CNTN5: variants seen among roughly 807,000 people sequenced by gnomAD.
CNTN5 encodes the protein contactin 5, also known as contactin-5.
CNTN5 carries 77 observed loss-of-function variants against 129.1 expected under a neutral mutation model. That is an observed-to-expected ratio of 0.60 (90% CI 0.50 to 0.72). The LOEUF is 0.72. Ranked by LOEUF, CNTN5 falls within the 30% of genes least tolerant of loss-of-function variation. CNTN5 has a pLI of 0.00. For synonymous variants in CNTN5, 509 were observed against 465.6 expected (o/e 1.09, Z -1.20); for missense variants, 1,478 against 1,328.8 (o/e 1.11, Z -1.75).
rs541965822 is a variant in CNTN5 at position 99,798,121 on chromosome 11, G to A, written c.56-21423G>A. ...CCTTTCCCTCCTCCTACCCTACCCCGTCTGATAGGCCCTAGTATATGTTTT... is the reference window on the plus strand; with the variant it reads ...CCTTTCCCTCCTCCTACCCTACCCCATCTGATAGGCCCTAGTATATGTTTT... On this transcript the variant is annotated intron_variant, in intron 3 of 24. Transcript: ENST00000524871. Among the ~76,000 whole-genome samples the A allele has an allele frequency of 1.7e-3, 261 of 151,860 alleles. 1 individual carries two copies. Among genetic ancestry groups the A allele is most frequent in the African/African-American group, 5.9e-3 (244 of 41,396 alleles).
In CNTN5 at chr11:100,026,023, T is replaced by C. The variant is rs1238146455; in HGVS notation, c.980+23887T>C. 2.6e-5 allele frequency among the ~76,000 whole-genome samples: 4 copies of C among 152,268 alleles called. No individual in the cohort carries two copies. The East Asian group carries it at 7.7e-4, about 29-fold the overall frequency. ...AAGGGATATGAGATTTGTTTGGGGCTAGGGGAAGAATGATATGTTTAGGGT... is the reference window on the plus strand; with the variant it reads ...AAGGGATATGAGATTTGTTTGGGGCCAGGGGAAGAATGATATGTTTAGGGT... On this transcript the variant is annotated intron_variant, in intron 9 of 24. Coordinates refer to ENST00000524871, the MANE Select transcript of CNTN5 (RefSeq NM_014361.4).
At chr11:99,395,022 A>G (rs1941448212) in intron 2 of CNTN5, among the ~76,000 whole-genome samples, 1 of 151,810 alleles carries the variant, frequency 6.6e-6, no homozygotes, top group Admixed American at 6.6e-5. Context: ...GTGACTTTAT[A>G]ATAGAACGAT....
intron 2 of CNTN5, among the ~76,000 whole-genome samples, chr11:99,526,687 T>C (rs1397328758): frequency 6.6e-6 from 1 of 152,224 alleles, no homozygotes; most frequent in Non-Finnish European, 1.5e-5. Flanking sequence ...ATTAATGTTA[T>C]ATACAAGGTG....
At chr11:99,682,711 A>T (rs562822018) in intron 3 of CNTN5, among the ~76,000 whole-genome samples, 23 of 152,088 alleles carry the variant, frequency 1.5e-4, no homozygotes, top group Non-Finnish European at 3.1e-4. Context: ...TGCCAGACCC[A>T]TCTAAAATAC....
intron 13 of CNTN5, among the ~76,000 whole-genome samples, chr11:100,102,560 G>A (rs1945263767): frequency 6.7e-6 from 1 of 148,464 alleles, no homozygotes. Flanking sequence ...AAAAAAAGAA[G>A]TTTTAAGAAT....
At chr11:100,289,299 A>G (rs546399256) in intron 18 of CNTN5, among the ~76,000 whole-genome samples, 1 of 152,324 alleles carries the variant, frequency 6.6e-6, no homozygotes, top group African/African-American at 2.4e-5. Context: ...GGGCAGAGAC[A>G]CAACGAACAA....
At chr11:100,195,952 C>A (rs971844857) in intron 15 of CNTN5, among the ~76,000 whole-genome samples, 1 of 151,876 alleles carries the variant, frequency 6.6e-6, no homozygotes, top group Non-Finnish European at 1.5e-5. Context: ...ATTTGGGAGG[C>A]CTTCTGGGCT....
chr11:100,038,426 G>A (rs1157797358), intron 9 of CNTN5, among the ~76,000 whole-genome samples: 1 of 152,170 alleles, frequency 6.6e-6, no homozygotes, highest in African/African-American at 2.4e-5. Flanking sequence ...GTGTGGTGTT[G>A]AAAAGAATGT....
chr11:99,928,865 C>T (rs1950125705), intron 7 of CNTN5, among the ~76,000 whole-genome samples: 1 of 152,220 alleles, frequency 6.6e-6, no homozygotes, highest in South Asian at 2.1e-4. Flanking sequence ...CATTATCAGG[C>T]TGCAAATTTT....
chr11:99,057,811 T>TGTGA (rs1565282344), intron 1 of CNTN5, among the ~76,000 whole-genome samples: 2 of 151,252 alleles, frequency 1.3e-5, no homozygotes, highest in African/African-American at 4.9e-5. Flanking sequence ...TGTGTGTGTG[T>TGTGA]GTGTGTATGG....
chr11:99,854,866 G>A (rs1463595351), intron 6 of CNTN5, among the ~76,000 whole-genome samples: 1 of 152,124 alleles, frequency 6.6e-6, no homozygotes, highest in Non-Finnish European at 1.5e-5. Context: ...AGGAATATAT[G>A]TGTTTCTCTC....
intron 15 of CNTN5, among the ~76,000 whole-genome samples, chr11:100,197,870 A>T (rs1418099135): frequency 6.6e-6 from 1 of 151,942 alleles, no homozygotes; most frequent in Non-Finnish European, 1.5e-5. Flanking sequence ...ATAAATTGCA[A>T]CCAAATAGGC....
chr11:99,060,843 G>A lies in CNTN5; in HGVS notation c.-210+39573G>A, dbSNP rs114139494. On this transcript the variant is annotated intron_variant, in intron 1 of 24. Transcript: ENST00000524871. Reference sequence around the variant, plus strand: ...ACTCAAAAGCTCTTCAAAGTGATATGTCTTCAGTGAAGGCTTTTGAAGAGG... The same window carrying A: ...ACTCAAAAGCTCTTCAAAGTGATATATCTTCAGTGAAGGCTTTTGAAGAGG... 2.8e-3 allele frequency among the ~76,000 whole-genome samples: 431 copies of A among 152,172 alleles called. 1 individual carries two copies. The highest frequency in any genetic ancestry group is 0.01 in the African/African-American group (418 of 41,530).
intron 16 of CNTN5, among the ~76,000 whole-genome samples, chr11:100,238,484 A>C (rs998365006): frequency 2.1e-5 from 3 of 145,142 alleles, no homozygotes; most frequent in Admixed American, 6.9e-5. Context: ...GGAGAAGCAG[A>C]AGCAGCAGCA....
chr11:99,185,048 A>C (rs1192296312), intron 1 of CNTN5, among the ~76,000 whole-genome samples: 6 of 151,998 alleles, frequency 3.9e-5, no homozygotes, highest in Admixed American at 1.3e-4. Context: ...AAAAGAAGAA[A>C]AAGAAAAAAA....
At chr11:99,247,912 C>T (rs988879440) in intron 1 of CNTN5, among the ~76,000 whole-genome samples, 11 of 152,118 alleles carry the variant, frequency 7.2e-5, no homozygotes, top group Admixed American at 7.2e-4. Context: ...AATAGTGCCG[C>T]AATAAACATA....
chr11:99,280,180 G>T (rs978753392), intron 1 of CNTN5, among the ~76,000 whole-genome samples: 1 of 151,304 alleles, frequency 6.6e-6, no homozygotes, highest in Admixed American at 6.6e-5. Flanking sequence ...AAATACAAAA[G>T]AAAAAATACT....
chr11:99,702,758 A>AAG (rs1954578177), intron 3 of CNTN5, among the ~76,000 whole-genome samples: 1 of 150,972 alleles, frequency 6.6e-6, no homozygotes, highest in Non-Finnish European at 1.5e-5. Context: ...GAGTTAATTC[A>AAG]GGAATCCTCC....
chr11:99,368,957 A>G (rs1280122849), intron 2 of CNTN5, among the ~76,000 whole-genome samples: 3 of 151,952 alleles, frequency 2.0e-5, no homozygotes, highest in Non-Finnish European at 2.9e-5. Context: ...TGTGTTCAGC[A>G]TGTTAAATTA....
Sources: allele counts gnomAD v4.1 joint callset (sites outside exome capture counted in the v4.1 genomes callset), GRCh38; gene constraint gnomAD v4.1.1; transcripts MANE v1.5; gene names NCBI Gene and HGNC (gene_info 2026-07-23, HGNC 2026-07-21).